The following TRPC5 variants were observed in gnomAD, a reference collection of about 807,000 sequenced individuals.
TRPC5 encodes the protein transient receptor potential cation channel subfamily C member 5.
TRPC5 carries 9 observed loss-of-function variants against 56.5 expected under a neutral mutation model. That is an observed-to-expected ratio of 0.16 (90% CI 0.10 to 0.28). The LOEUF is 0.28. Ranked by LOEUF, TRPC5 falls within the 10% of genes least tolerant of loss-of-function variation. The pLI is 1.00. For synonymous variants in TRPC5, 282 were observed against 278.5 expected, an observed-to-expected ratio of 1.01 and a Z score of -0.13; for missense variants, 469 against 748.9, an observed-to-expected ratio of 0.63 and a Z score of 4.36.
At chrX:111,918,370 G>T (rs1294362575) in intron 2 of TRPC5, among the ~76,000 whole-genome samples, 6 of 111,214 alleles carry the variant, frequency 5.4e-5, no homozygotes, top group Non-Finnish European at 9.4e-5. Flanking sequence ...TGTGGGGAGA[G>T]TTCAATGTAT....
chrX:112,013,405 C>T (rs751883894), intron 1 of TRPC5, among the ~76,000 whole-genome samples: 2 of 111,841 alleles, frequency 1.8e-5, no homozygotes, highest in East Asian at 2.8e-4. Context: ...CCTGCCTCGG[C>T]CTCTCATAGT....
intron 6 of TRPC5, among the ~76,000 whole-genome samples, chrX:111,842,231 G>A (rs1253261262): frequency 1.9e-5 from 2 of 104,559 alleles, no homozygotes; most frequent in Non-Finnish European, 3.8e-5. Flanking sequence ...TCTGGCTCCC[G>A]GGTTCAAGCG....
chrX:111,957,330 A>C (rs1287477955), intron 1 of TRPC5, among the ~76,000 whole-genome samples: 1 of 112,100 alleles, frequency 8.9e-6, no homozygotes, highest in African/African-American at 3.2e-5. Flanking sequence ...ATATATTTGC[A>C]GTAGTTTGTT....
intron 3 of TRPC5, among the ~76,000 whole-genome samples, chrX:111,887,040 A>G (rs994136545): frequency 3.6e-5 from 4 of 112,541 alleles, no homozygotes; most frequent in East Asian, 2.8e-4. Context: ...CACTCTTTGC[A>G]TGTGCCAGTG....
intron 1 of TRPC5, among the ~76,000 whole-genome samples, chrX:111,956,299 T>A (rs1427405740): frequency 2.7e-5 from 3 of 112,104 alleles, no homozygotes; most frequent in Non-Finnish European, 1.9e-5. Flanking sequence ...GAAGCTTAAA[T>A]GGTAAAACCC....
intron 2 of TRPC5, among the ~76,000 whole-genome samples, chrX:111,921,969 G>A (rs755971725): frequency 2.1e-4 from 24 of 112,270 alleles, no homozygotes; most frequent in Non-Finnish European, 3.9e-4. Context: ...GCAATGCAGC[G>A]AATAGATTGA....
At chrX:111,837,296 G>A (rs920753617) in intron 6 of TRPC5, among the ~76,000 whole-genome samples, 1 of 106,596 alleles carries the variant, frequency 9.4e-6, no homozygotes, top group Non-Finnish European at 1.9e-5. Flanking sequence ...GAAGACATGG[G>A]GCTAAGTAAT....
At chrX:112,047,491 T>A (rs1930073474) in intron 1 of TRPC5, among the ~76,000 whole-genome samples, 1 of 111,717 alleles carries the variant, frequency 9.0e-6, no homozygotes, top group Non-Finnish European at 1.9e-5. Context: ...GCCATTGCCC[T>A]AGCTTTATGC....
chrX:111,953,093 C>T (rs1161886126), intron 1 of TRPC5, among the ~76,000 whole-genome samples: 1 of 111,935 alleles, frequency 8.9e-6, no homozygotes, highest in African/African-American at 3.2e-5. Context: ...TCAGTTCTAA[C>T]TGCAACCCTG....
chrX:111,859,711 G>T (rs1401648376), intron 3 of TRPC5, among the ~76,000 whole-genome samples: 1 of 112,118 alleles, frequency 8.9e-6, no homozygotes, highest in African/African-American at 3.2e-5. Context: ...TATGAGGCCA[G>T]TTTCCAAGGG....
At chrX:111,909,123 A>AAAAT (rs1299907086) in intron 3 of TRPC5, among the ~76,000 whole-genome samples, 2 of 95,075 alleles carry the variant, frequency 2.1e-5, no homozygotes, top group African/African-American at 7.5e-5. Context: ...GTCTCTACTA[A>AAAAT]AAATAAATAA....
chrX:112,056,963 C>T (rs947694529), intron 1 of TRPC5, among the ~76,000 whole-genome samples: 2 of 112,418 alleles, frequency 1.8e-5, no homozygotes, highest in African/African-American at 6.5e-5. Flanking sequence ...TCCTTGGCTG[C>T]TCCTGTAGAT....
At chrX:111,923,917 T>C (rs1926191014) in intron 2 of TRPC5, among the ~76,000 whole-genome samples, 1 of 112,242 alleles carries the variant, frequency 8.9e-6, no homozygotes, top group Non-Finnish European at 1.9e-5. Flanking sequence ...GGCCCTACTG[T>C]GGAGCTTGAT....
chrX:111,905,213 A>G (rs1925546741), intron 3 of TRPC5, among the ~76,000 whole-genome samples: 1 of 110,405 alleles, frequency 9.1e-6, no homozygotes. Context: ...TGACAGTCTT[A>G]CCTTAATAGA....
chrX:111,785,456 G>T (rs1945954624), intron 7 of TRPC5, among the ~76,000 whole-genome samples: 1 of 111,999 alleles, frequency 8.9e-6, no homozygotes, highest in South Asian at 3.7e-4. Context: ...AAGATGGGGA[G>T]AAACCAGAGC....
chrX:111,900,562 A>G (rs1262848370), intron 3 of TRPC5, among the ~76,000 whole-genome samples: 1 of 111,459 alleles, frequency 9.0e-6, no homozygotes, highest in African/African-American at 3.3e-5. Context: ...TCTATTTGGA[A>G]TGAGAGGGGA....
intron 1 of TRPC5, among the ~76,000 whole-genome samples, chrX:112,005,087 G>A (rs1464968480): frequency 9.0e-6 from 1 of 110,929 alleles, no homozygotes; most frequent in Non-Finnish European, 1.9e-5. Flanking sequence ...GTGTCTTTAT[G>A]ATAGAATGAT....
intron 1 of TRPC5, among the ~76,000 whole-genome samples, chrX:112,040,733 C>T (rs1434392135): frequency 9.0e-6 from 1 of 111,677 alleles, no homozygotes; most frequent in Non-Finnish European, 1.9e-5. Context: ...AACTGCAACT[C>T]GGTTTTCTTA....
chrX:111,781,788 G>A, intron 8 of TRPC5, 147 bp downstream of exon 8: 2 of 447,023 alleles, frequency 4.5e-6, no homozygotes, highest in Non-Finnish European at 7.3e-6. Flanking sequence ...CCAGCTACTG[G>A]GGAGGCTGAG....
Sources: gnomAD v4.1 joint callset for allele counts (sites outside exome capture counted in the v4.1 genomes callset) on GRCh38, gnomAD v4.1.1 for gene constraint, MANE v1.5 for transcripts, NCBI Gene and HGNC (gene_info 2026-07-23, HGNC 2026-07-21) for gene names.